Variants in CMIP observed in about 807,000 individuals in gnomAD.
CMIP encodes the protein c-Maf inducing protein.
In CMIP, 13 loss-of-function variants were observed where a neutral mutation model predicts 97.3. The observed-to-expected ratio is 0.13, with a 90% confidence interval of 0.09 to 0.21. The LOEUF is 0.21. Among genes scored for constraint, CMIP ranks in the 10% least tolerant of loss-of-function variants. The pLI, the probability that CMIP is intolerant of heterozygous loss-of-function variation, is 1.00. For synonymous variants in CMIP, 538 were observed against 436.3 expected (o/e 1.23, Z -2.91); for missense variants, 847 against 1,024.9 (o/e 0.83, Z 2.37).
Position 81,668,426 on chromosome 16 carries a change from G to GC in CMIP, c.826-1710dup, listed in dbSNP as rs530663579. Among the ~76,000 whole-genome samples, 10 of 152,256 alleles carry GC rather than the reference G, an allele frequency of 6.6e-5. No homozygotes were observed. The East Asian group carries it at 1.7e-3, about 26-fold the overall frequency. On this transcript the variant is annotated intron_variant, in intron 7 of 20. Coordinates refer to ENST00000537098, the MANE Select transcript of CMIP (RefSeq NM_198390.3). ...CTGTTCTGCTCCTGGCAAGCCCCAA[G>GC]CCCCCCACTGGGCTGGGCGCCGACT... is the stretch of plus-strand genomic sequence containing the variant.
chr16:81,703,727 G>A (rs944257754), intron 17 of CMIP: 10 of 603,594 alleles, frequency 1.7e-5, no homozygotes, highest in South Asian at 1.0e-4. Flanking sequence ...GGCAGCTGTC[G>A]TCCATGGGAT....
chr16:81,566,397 G>C (rs1180605643), intron 1 of CMIP, among the ~76,000 whole-genome samples: 2 of 152,176 alleles, frequency 1.3e-5, no homozygotes, highest in Non-Finnish European at 2.9e-5. Flanking sequence ...CTTCCTTCCT[G>C]TCTGCTCTTT....
intron 1 of CMIP, among the ~76,000 whole-genome samples, chr16:81,481,587 G>A (rs1232923876): frequency 6.6e-6 from 1 of 152,226 alleles, no homozygotes; most frequent in Non-Finnish European, 1.5e-5. Context: ...TTTCAACTGA[G>A]GTCTTGGGGG....
chr16:81,693,140 C>T lies in CMIP; in HGVS notation c.1455-18C>T. On this transcript the variant is annotated intron_variant, in intron 11 of 20. Transcript: ENST00000537098. ...ACGCTTCTGTTAACCGCCGTGTTTT[C>T]CCCTGTTTTTGTTGCAGAGCTCTCG... 1.9e-6 allele frequency: 3 copies of T among 1,610,196 alleles called. No individual in the cohort carries two copies. Among genetic ancestry groups the T allele is most frequent in the Admixed American group, 1.7e-5 (1 of 59,962 alleles).
intron 1 of CMIP, among the ~76,000 whole-genome samples, chr16:81,589,380 A>C (rs1004242166): frequency 6.6e-6 from 1 of 152,198 alleles, no homozygotes; most frequent in Non-Finnish European, 1.5e-5. Flanking sequence ...TACAGGCATG[A>C]GCCACCACAC....
intron 1 of CMIP, among the ~76,000 whole-genome samples, chr16:81,586,593 T>C (rs547025186): frequency 1.3e-5 from 2 of 152,138 alleles, no homozygotes; most frequent in African/African-American, 4.8e-5. Flanking sequence ...GTAATCGAGA[T>C]TTAATCAGTT....
intron 1 of CMIP, among the ~76,000 whole-genome samples, chr16:81,560,241 CAG>C (rs1391336203): frequency 6.8e-6 from 1 of 146,998 alleles, no homozygotes; most frequent in Admixed American, 6.9e-5. Flanking sequence ...TTTTTTGAGA[CAG>C]AGTCTCGCTC....
At chr16:81,504,054 C>T (rs1342240209) in intron 1 of CMIP, among the ~76,000 whole-genome samples, 5 of 152,170 alleles carry the variant, frequency 3.3e-5, no homozygotes, top group African/African-American at 7.2e-5. Flanking sequence ...GGTTGGGCGC[C>T]GTGGCTTACA....
intron 1 of CMIP, among the ~76,000 whole-genome samples, chr16:81,558,880 C>T (rs969956612): frequency 7.9e-5 from 12 of 152,348 alleles, no homozygotes; most frequent in Non-Finnish European, 1.5e-4. Flanking sequence ...TTCCCTTCAG[C>T]GTCACCTCCC....
intron 1 of CMIP, among the ~76,000 whole-genome samples, chr16:81,540,257 A>C (rs547229621): frequency 1.3e-5 from 2 of 152,246 alleles, no homozygotes; most frequent in Non-Finnish European, 2.9e-5. Context: ...GGCTTTCCTT[A>C]GTCTTGCCTG....
intron 3 of CMIP, among the ~76,000 whole-genome samples, chr16:81,628,208 T>G (rs1021115953): frequency 4.6e-5 from 7 of 152,122 alleles, no homozygotes; most frequent in African/African-American, 1.7e-4. Flanking sequence ...CCACCTCCCC[T>G]GGGTCGCCTC....
chr16:81,674,587 A>T (rs1386339821), intron 9 of CMIP, among the ~76,000 whole-genome samples: 7 of 152,148 alleles, frequency 4.6e-5, no homozygotes, highest in Admixed American at 6.5e-5. Flanking sequence ...ACTGCAGATC[A>T]GGGCTTCTTT....
intron 13 of CMIP, chr16:81,696,322 C>G: frequency 1.7e-6 from 1 of 585,628 alleles, no homozygotes; most frequent in Non-Finnish European, 3.1e-6. Flanking sequence ...TGCCCTCCCT[C>G]CTGTGCAGCT....
chr16:81,505,801 AC>A (rs1244169645), intron 1 of CMIP, among the ~76,000 whole-genome samples: 2 of 152,228 alleles, frequency 1.3e-5, no homozygotes, highest in African/African-American at 4.8e-5. Context: ...GACCAGCCTG[AC>A]CAACATGGCA....
intron 6 of CMIP, among the ~76,000 whole-genome samples, chr16:81,661,752 C>T (rs1282654827): frequency 1.3e-5 from 2 of 152,174 alleles, no homozygotes; most frequent in African/African-American, 4.8e-5. Context: ...CTTCCCGGCC[C>T]CCCACCCCTC....
At chr16:81,645,413 C>T (rs1413406292) in intron 3 of CMIP, 2 of 1,481,958 alleles carry the variant, frequency 1.3e-6, no homozygotes, top group African/African-American at 1.4e-5. Context: ...AGAGCAGCAG[C>T]CCCTGCCTGG....
chr16:81,705,449 A>G, intron 18 of CMIP, 50 bp from the exon 19 acceptor site: 1 of 1,340,330 alleles, frequency 7.5e-7, no homozygotes, highest in Non-Finnish European at 1.0e-6. Flanking sequence ...CCTCAGAGTC[A>G]CTTCCCCAGG....
At chr16:81,540,635 T>A (rs2090430368) in intron 1 of CMIP, among the ~76,000 whole-genome samples, 2 of 136,528 alleles carry the variant, frequency 1.5e-5, no homozygotes, top group Admixed American at 1.5e-4. Flanking sequence ...TAAATGTGTC[T>A]TGTTTTGAGT....
At chr16:81,650,309 T>C (rs920698499) in intron 3 of CMIP, among the ~76,000 whole-genome samples, 43 of 152,196 alleles carry the variant, frequency 2.8e-4, no homozygotes, top group Non-Finnish European at 7.3e-5. Context: ...TGAGAAGAGC[T>C]GATCTCTTTC....
Sources: gnomAD v4.1 joint callset for allele counts (sites outside exome capture counted in the v4.1 genomes callset) on GRCh38, gnomAD v4.1.1 for gene constraint, MANE v1.5 for transcripts, NCBI Gene and HGNC (gene_info 2026-07-23, HGNC 2026-07-21) for gene names.